Variants in SFMBT2 observed in about 807,000 individuals in gnomAD.
The protein encoded by SFMBT2 is Scm like with four mbt domains 2, also known as scm-like with four MBT domains protein 2.
Under a neutral mutation model 110.1 loss-of-function variants are expected in SFMBT2, and 38 were observed. The observed-to-expected ratio is 0.35, with a 90% CI of 0.27 to 0.45. The LOEUF (loss-of-function observed/expected upper bound fraction) is 0.45. Ranked by LOEUF, SFMBT2 falls within the 20% of genes least tolerant of loss-of-function variation. The probability of loss-of-function intolerance (pLI) is 1.00; values close to 1 mark genes in which losing one functional copy is unlikely to be tolerated. For missense variants in SFMBT2, 1,011 were observed against 1,094.9 expected (o/e 0.92, Z 1.08); for synonymous variants, 425 against 425.4 (o/e 1.00, Z 0.01).
chr10:7,245,438 A>G (rs1840574711), intron 8 of SFMBT2, among the ~76,000 whole-genome samples: 1 of 152,226 alleles, frequency 6.6e-6, no homozygotes, highest in Non-Finnish European at 1.5e-5. Context: ...CACAACCGTT[A>G]AAATGCATGT....
intron 2 of SFMBT2, among the ~76,000 whole-genome samples, chr10:7,372,571 G>T (rs1845092360): frequency 6.6e-6 from 1 of 152,222 alleles, no homozygotes; most frequent in Admixed American, 6.5e-5. Context: ...CTCCAGTGAA[G>T]AATGGATGAC....
intron 1 of SFMBT2, among the ~76,000 whole-genome samples, chr10:7,407,379 T>C (rs1846248422): frequency 6.6e-6 from 1 of 151,992 alleles, no homozygotes; most frequent in Non-Finnish European, 1.5e-5. Flanking sequence ...TTCTCTACGG[T>C]GCAAGAGTGG....
At chr10:7,264,268 C>G (rs974085328) in intron 7 of SFMBT2, 1 of 238,728 alleles carries the variant, frequency 4.2e-6, no homozygotes, top group African/African-American at 2.3e-5. Flanking sequence ...CCAAACCAGA[C>G]TCAATGCAGT....
At chr10:7,267,274 T>C (rs1044019302) in intron 7 of SFMBT2, among the ~76,000 whole-genome samples, 4 of 152,210 alleles carry the variant, frequency 2.6e-5, no homozygotes, top group African/African-American at 9.6e-5. Context: ...GATTCTGCTT[T>C]CTATCCTTTC....
intron 1 of SFMBT2, among the ~76,000 whole-genome samples, chr10:7,385,903 G>C (rs530822998): frequency 1.1e-3 from 160 of 152,304 alleles, no homozygotes; most frequent in African/African-American, 3.6e-3. Context: ...AGGAGACTGA[G>C]GCAGGAGAAT....
At chr10:7,201,753 G>C (rs976308911) in intron 13 of SFMBT2, among the ~76,000 whole-genome samples, 7 of 152,170 alleles carry the variant, frequency 4.6e-5, no homozygotes, top group African/African-American at 1.7e-4. Flanking sequence ...GTTACTAGCA[G>C]TCACAACTAT....
intron 2 of SFMBT2, among the ~76,000 whole-genome samples, chr10:7,378,099 G>C (rs1845301476): frequency 6.6e-6 from 1 of 151,020 alleles, no homozygotes; most frequent in Non-Finnish European, 1.5e-5. Flanking sequence ...GTGTGTGTGA[G>C]TGTATGGATG....
chr10:7,188,444 A>C (rs1156875456), intron 16 of SFMBT2, among the ~76,000 whole-genome samples, 180 bp downstream of exon 16: 2 of 152,238 alleles, frequency 1.3e-5, no homozygotes, highest in Non-Finnish European at 2.9e-5. Context: ...CTAAGGCTTA[A>C]GGCAACGCTG....
At chr10:7,399,286 G>A (rs889055815) in intron 1 of SFMBT2, among the ~76,000 whole-genome samples, 7 of 152,068 alleles carry the variant, frequency 4.6e-5, no homozygotes, top group African/African-American at 1.7e-4. Flanking sequence ...AGGCTGGAGT[G>A]CAGTGGCGTG....
Position 7,161,228 on chromosome 10 carries a change from G to A in SFMBT2, c.*2542C>T, listed in dbSNP as rs1837542619. 6.6e-6 allele frequency: 1 copy of A among 152,214 alleles called. No homozygotes were observed. Among genetic ancestry groups the A allele is most frequent in the East Asian group, 1.9e-4 (1 of 5,188 alleles). 9.4% of individuals were successfully genotyped at this position (152,214 alleles called of 1,614,324 possible). ...CCTAGATGGGCTCCAGAGAGCTCCT[G>A]GAGGATCCCCTCCCTCCAACGCAGC... On this transcript the variant is annotated 3_prime_UTR_variant, in exon 21 of 21. Coordinates refer to ENST00000397167, the MANE Select transcript of SFMBT2 (RefSeq NM_001387889.1).
intron 4 of SFMBT2, among the ~76,000 whole-genome samples, chr10:7,324,922 T>C (rs1469018114): frequency 2.0e-5 from 3 of 151,582 alleles, no homozygotes; most frequent in Non-Finnish European, 4.4e-5. Context: ...CCCAGCCTTA[T>C]GTCCTCACTG....
At chr10:7,217,534 A>G (rs929397927) in intron 11 of SFMBT2, among the ~76,000 whole-genome samples, 1 of 152,160 alleles carries the variant, frequency 6.6e-6, no homozygotes, top group Non-Finnish European at 1.5e-5. Context: ...CTGAGAAACA[A>G]GACTCCAAAA....
chr10:7,230,840 G>A (rs1228315584), intron 9 of SFMBT2, among the ~76,000 whole-genome samples: 2 of 152,138 alleles, frequency 1.3e-5, no homozygotes, highest in Non-Finnish European at 2.9e-5. Context: ...GGCTGAGGCA[G>A]GAGAATTGCT....
At chr10:7,199,525 A>G (rs1037050837) in intron 14 of SFMBT2, among the ~76,000 whole-genome samples, 6 of 152,238 alleles carry the variant, frequency 3.9e-5, no homozygotes, top group South Asian at 2.1e-4. Context: ...TATAAAAGAA[A>G]AGGAGTAAAA....
At position 7,159,840 on chromosome 10, in the gene SFMBT2, A is replaced by ACTT. The variant is rs1837504756; in HGVS notation, c.*3929_*3930insAAG. On this transcript the variant is annotated 3_prime_UTR_variant, in exon 21 of 21. Coordinates refer to ENST00000397167, the MANE Select transcript of SFMBT2 (RefSeq NM_001387889.1). ...TATGAAAACCCCTAGTACTTCTAAA[A>ACTT]CTAAGCGGGGACAGCTCTTAGAAAG... 5 of 152,216 alleles carry ACTT rather than the reference A, an allele frequency of 3.3e-5. No individual in the cohort carries two copies. The highest frequency in any genetic ancestry group is 1.3e-4 in the Admixed American group (2 of 15,278). The allele number at this position is 152,216 out of a possible 1,614,324, so 9.4% of individuals were successfully genotyped here.
intron 9 of SFMBT2, among the ~76,000 whole-genome samples, chr10:7,231,404 A>G (rs1033171322): frequency 1.3e-5 from 2 of 152,246 alleles, no homozygotes; most frequent in African/African-American, 4.8e-5. Context: ...TTTCTGACAC[A>G]GCCTGGCATG....
chr10:7,240,128 AC>A (rs1840385715), intron 9 of SFMBT2, among the ~76,000 whole-genome samples: 1 of 152,172 alleles, frequency 6.6e-6, no homozygotes, highest in Non-Finnish European at 1.5e-5. Context: ...CGTCATGTCT[AC>A]CTTCATCCCT....
chr10:7,390,281 C>T (rs929906524), intron 1 of SFMBT2, among the ~76,000 whole-genome samples: 2 of 152,158 alleles, frequency 1.3e-5, no homozygotes, highest in African/African-American at 4.8e-5. Flanking sequence ...GGAACATGTC[C>T]TAAACAACCA....
At chr10:7,331,278 C>G (rs1843552135) in intron 4 of SFMBT2, among the ~76,000 whole-genome samples, 1 of 152,246 alleles carries the variant, frequency 6.6e-6, no homozygotes, top group South Asian at 2.1e-4. Context: ...AACACACTGT[C>G]TAACCAGGAG....
Sources: gnomAD v4.1 joint callset for allele counts (sites outside exome capture counted in the v4.1 genomes callset) on GRCh38, gnomAD v4.1.1 for gene constraint, MANE v1.5 for transcripts, NCBI Gene and HGNC (gene_info 2026-07-23, HGNC 2026-07-21) for gene names.